The following IKZF5 variants were observed in gnomAD, a reference collection of about 807,000 sequenced individuals.
IKZF5 encodes zinc finger protein Pegasus.
A neutral mutation model predicts 30.7 loss-of-function variants in IKZF5; 4 were observed. The ratio of observed to expected loss-of-function variants is 0.13; its 90% CI spans 0.06 to 0.30. The LOEUF (loss-of-function observed/expected upper bound fraction) is 0.30. Ranked by LOEUF, IKZF5 falls within the 10% of genes least tolerant of loss-of-function variation. The pLI, the probability that IKZF5 is intolerant of heterozygous loss-of-function variation, is 1.00. For missense variants in IKZF5, 348 were observed against 525.5 expected (o/e 0.66, Z 3.30); for synonymous variants, 148 against 179.6 (o/e 0.82, Z 1.41).
intron 4 of IKZF5, among the ~76,000 whole-genome samples, chr10:122,995,647 C>G (rs1375511912): frequency 6.6e-6 from 1 of 152,152 alleles, no homozygotes; most frequent in South Asian, 2.1e-4. Context: ...TTCCCCCTTT[C>G]GGCAAATGAA....
chr10:123,008,543 G>A (rs1191821088), intron 1 of IKZF5, 151 bp downstream of exon 1: 2 of 199,788 alleles, frequency 1.0e-5, no homozygotes, highest in South Asian at 6.7e-5. Context: ...TCACCTGCCC[G>A]CCTACCGACC....
At position 123,004,842 on chromosome 10, in the gene IKZF5, A is replaced by G. The variant is rs113324588; in HGVS notation, c.-47+2184T>C. ...CTCTATCCCATATATCCATATACACAGGGTATGACAGGTGCTTGCAAAGCC... is the reference window on the plus strand; with the variant it reads ...CTCTATCCCATATATCCATATACACGGGGTATGACAGGTGCTTGCAAAGCC... On this transcript the variant is annotated intron_variant, in intron 2 of 4. Transcript: ENST00000368886. Among the ~76,000 whole-genome samples, 469 of 152,272 alleles carry G rather than the reference A, an allele frequency of 3.1e-3. 3 individuals carry two copies. Among genetic ancestry groups the G allele is most frequent in the African/African-American group, 0.011 (442 of 41,530 alleles).
intron 2 of IKZF5, among the ~76,000 whole-genome samples, chr10:123,005,038 C>CA (rs1849731180): frequency 6.6e-6 from 1 of 152,098 alleles, no homozygotes; most frequent in South Asian, 2.1e-4. Context: ...ACTACAATCC[C>CA]AGCACTTTCA....
At chr10:123,003,838 A>G (rs1048695313) in intron 2 of IKZF5, among the ~76,000 whole-genome samples, 5 of 152,228 alleles carry the variant, frequency 3.3e-5, no homozygotes, top group Non-Finnish European at 4.4e-5. Flanking sequence ...AATTTTTCAA[A>G]TCACTTTGCA....
At chr10:123,006,686 A>G (rs1013896337) in intron 2 of IKZF5, among the ~76,000 whole-genome samples, 1 of 152,250 alleles carries the variant, frequency 6.6e-6, no homozygotes, top group Non-Finnish European at 1.5e-5. Flanking sequence ...ATTTACTTAC[A>G]TAATAATTTA....
At chr10:123,004,405 G>A (rs1047959134) in intron 2 of IKZF5, among the ~76,000 whole-genome samples, 1 of 117,448 alleles carries the variant, frequency 8.5e-6, no homozygotes, top group Admixed American at 8.4e-5. Context: ...ACAGTACAAC[G>A]TGACAGTGCA....
intron 3 of IKZF5, 103 bp from the exon 4 acceptor site, chr10:122,996,279 T>G (rs1464679298): frequency 3.0e-6 from 3 of 991,452 alleles, no homozygotes; most frequent in East Asian, 5.2e-5. Context: ...GACAGTTCAC[T>G]TCTCACAAAA....
chr10:123,006,675 A>G (rs755804450), intron 2 of IKZF5, among the ~76,000 whole-genome samples: 10 of 152,254 alleles, frequency 6.6e-5, no homozygotes, highest in Non-Finnish European at 1.2e-4. Flanking sequence ...ATTAGCAACT[A>G]ATTTACTTAC....
At chr10:122,997,835 G>A (rs1849433211) in intron 3 of IKZF5, among the ~76,000 whole-genome samples, 1 of 152,206 alleles carries the variant, frequency 6.6e-6, no homozygotes. Context: ...GAATTTTCAT[G>A]TATCATTACA....
intron 4 of IKZF5, 69 bp downstream of exon 4, chr10:122,995,925 A>G: frequency 1.4e-6 from 2 of 1,474,876 alleles, no homozygotes; most frequent in African/African-American, 2.8e-5. Context: ...TCTATGACAA[A>G]CCAACCTGCC....
chr10:123,008,024 G>A (rs1012962861), intron 1 of IKZF5, among the ~76,000 whole-genome samples: 3 of 152,110 alleles, frequency 2.0e-5, no homozygotes, highest in African/African-American at 7.2e-5. Context: ...TTCAGATCCA[G>A]TCATCGAGCA....
intron 2 of IKZF5, among the ~76,000 whole-genome samples, chr10:123,005,925 G>A (rs942004376): frequency 9.2e-5 from 14 of 152,262 alleles, no homozygotes; most frequent in South Asian, 4.1e-4. Context: ...ATCAACCAAA[G>A]AGAACAATAT....
intron 2 of IKZF5, among the ~76,000 whole-genome samples, chr10:123,001,635 T>C (rs1481208960): frequency 6.6e-6 from 1 of 152,188 alleles, no homozygotes; most frequent in East Asian, 1.9e-4. Flanking sequence ...AATCAAATGG[T>C]TATATGCACG....
intron 2 of IKZF5, among the ~76,000 whole-genome samples, chr10:123,000,776 T>C (rs1849553254): frequency 6.6e-6 from 1 of 152,244 alleles, no homozygotes; most frequent in African/African-American, 2.4e-5. Flanking sequence ...TGGTATCACA[T>C]TACTTTTAAT....
chr10:123,008,156 C>T (rs1452570275), intron 1 of IKZF5, among the ~76,000 whole-genome samples: 1 of 152,182 alleles, frequency 6.6e-6, no homozygotes, highest in Non-Finnish European at 1.5e-5. Context: ...AATAAGGGTG[C>T]CCATGCAGTA....
intron 2 of IKZF5, among the ~76,000 whole-genome samples, chr10:123,005,256 A>G (rs1849738854): frequency 6.6e-6 from 1 of 152,246 alleles, no homozygotes; most frequent in African/African-American, 2.4e-5. Context: ...CTCAAAGTTT[A>G]ATCTAGGAAC....
chr10:123,000,169 A>C (rs1418873767), intron 2 of IKZF5, among the ~76,000 whole-genome samples: 2 of 152,192 alleles, frequency 1.3e-5, no homozygotes, highest in African/African-American at 4.8e-5. Flanking sequence ...CAGCACCACA[A>C]TCAAGAAACA....
At chr10:123,003,279 G>A (rs1170105431) in intron 2 of IKZF5, among the ~76,000 whole-genome samples, 1 of 151,198 alleles carries the variant, frequency 6.6e-6, no homozygotes, top group Admixed American at 6.6e-5. Flanking sequence ...ACAATACAGT[G>A]TAACTATTTA....
intron 3 of IKZF5, 98 bp from the exon 4 acceptor site, chr10:122,996,274 T>A: frequency 9.7e-7 from 1 of 1,025,684 alleles, no homozygotes; most frequent in South Asian, 1.6e-5. Flanking sequence ...AAATTGACAG[T>A]TCACTTCTCA....
Sources: gnomAD v4.1 joint callset for allele counts (sites outside exome capture counted in the v4.1 genomes callset) on GRCh38, gnomAD v4.1.1 for gene constraint, MANE v1.5 for transcripts, NCBI Gene and HGNC (gene_info 2026-07-23, HGNC 2026-07-21) for gene names.